PPP2R3A: variants seen among roughly 807,000 people sequenced by gnomAD.
PPP2R3A encodes the protein protein phosphatase 2 regulatory subunit B''alpha.
Under a neutral mutation model 106.9 loss-of-function variants are expected in PPP2R3A, and 80 were observed. The observed-to-expected ratio is 0.75, with a 90% CI of 0.62 to 0.90. The LOEUF is 0.90. Ranked by LOEUF, PPP2R3A falls within the 40% of genes least tolerant of loss-of-function variation. The pLI is 0.00. For synonymous variants in PPP2R3A, 483 were observed against 468.3 expected, an observed-to-expected ratio of 1.03 and a Z score of -0.41; for missense variants, 1,386 against 1,350.4, an observed-to-expected ratio of 1.03 and a Z score of -0.41.
intron 13 of PPP2R3A, among the ~76,000 whole-genome samples, chr3:136,125,507 G>A (rs1411019123): frequency 6.6e-6 from 1 of 152,074 alleles, no homozygotes; most frequent in Non-Finnish European, 1.5e-5. Context: ...GCCAGACAAA[G>A]ACATCTTGTC....
rs772999952 is a variant in PPP2R3A, at chr3:136,002,021, G to T, written c.523G>T (p.Gly175Cys). 3 of 1,613,918 alleles carry T rather than the reference G, an allele frequency of 1.9e-6. No individual in the cohort carries two copies. The highest frequency in any genetic ancestry group is 2.5e-6 in the Non-Finnish European group (3 of 1,179,958). ...YNNDGNAPSF[G>C]LLRSSSVEEK... ...CAACGATGGGAACGCCCCATCCTTT[G>T]GTTTACTGCGGAGTTCCTCAGTTGA... The change falls in exon 2 of 14, where the codon GGT becomes TGT. Residue 175 changes from glycine (G) to cysteine (C), a missense_variant. Physicochemically the swap from Gly to Cys is radical, Grantham distance 159 (BLOSUM62 -3). Transcript: ENST00000264977.
chr3:136,059,977 T>G (rs1936021262), intron 5 of PPP2R3A, among the ~76,000 whole-genome samples: 1 of 152,104 alleles, frequency 6.6e-6, no homozygotes, highest in South Asian at 2.1e-4. Context: ...TGGGTCCTGT[T>G]GAAGGTTGGA....
At chr3:135,999,598 A>T (rs1370498439) in intron 1 of PPP2R3A, among the ~76,000 whole-genome samples, 1 of 151,888 alleles carries the variant, frequency 6.6e-6, no homozygotes, top group Non-Finnish European at 1.5e-5. Context: ...TAAATTTCTC[A>T]TTGATAGTTG....
At chr3:136,041,252 T>G (rs865844470) in intron 4 of PPP2R3A, among the ~76,000 whole-genome samples, 3 of 113,908 alleles carry the variant, frequency 2.6e-5, no homozygotes, top group Non-Finnish European at 1.9e-5. Flanking sequence ...TTTTTTTTGT[T>G]TTTTTTTTTG....
At chr3:136,027,130 C>G in intron 3 of PPP2R3A, 32 bp downstream of exon 3, 1 of 1,571,594 alleles carries the variant, frequency 6.4e-7, no homozygotes, top group Non-Finnish European at 8.7e-7. Flanking sequence ...TTACAATCTC[C>G]CCTTCTTTAG....
chr3:136,029,305 T>A (rs1934781146), intron 3 of PPP2R3A, among the ~76,000 whole-genome samples: 1 of 152,190 alleles, frequency 6.6e-6, no homozygotes, highest in Admixed American at 6.5e-5. Flanking sequence ...TATTCCCAAC[T>A]GCTGACTGAG....
intron 4 of PPP2R3A, among the ~76,000 whole-genome samples, chr3:136,041,250 G>T (rs13093107): frequency 0.051 from 2,805 of 55,128 alleles, 78 homozygotes; most frequent in Middle Eastern, 0.075. Flanking sequence ...TTTTTTTTTT[G>T]TTTTTTTTTT....
At chr3:136,042,385 A>C (rs1384929896) in intron 4 of PPP2R3A, among the ~76,000 whole-genome samples, 9 of 152,192 alleles carry the variant, frequency 5.9e-5, no homozygotes, top group Non-Finnish European at 1.5e-5. Context: ...TAGCTAATGC[A>C]TATTGGGCTT....
intron 12 of PPP2R3A, among the ~76,000 whole-genome samples, chr3:136,104,149 C>CTAAATAAGA (rs1427950768): frequency 3.9e-5 from 6 of 152,156 alleles, no homozygotes; most frequent in Non-Finnish European, 1.5e-5. Context: ...TGATCACCTT[C>CTAAATAAGA]TAAATAAGAT....
intron 13 of PPP2R3A, among the ~76,000 whole-genome samples, chr3:136,138,764 T>G (rs147139667): frequency 1.5e-4 from 19 of 124,758 alleles, no homozygotes; most frequent in African/African-American, 4.8e-4. Context: ...CAGGCTGGAG[T>G]GCAGTGGCAC....
In PPP2R3A at chr3:136,146,326, T is replaced by TA. The variant is rs1370526609; in HGVS notation, c.*1164dup. ...AAAGGATAGACATTTCTGATGTAAG[T>TA]AAAACCCCCAAGCAACTTAATATCC... On this transcript the variant is annotated 3_prime_UTR_variant, in exon 14 of 14. Transcript: ENST00000264977. 1.3e-5 allele frequency: 2 copies of TA among 152,222 alleles called. No homozygotes were observed. Among genetic ancestry groups the TA allele is most frequent in the African/African-American group, 4.8e-5 (2 of 41,464 alleles). 9.4% of individuals were successfully genotyped at this position (152,222 alleles called of 1,614,324 possible).
At position 136,103,352 on chromosome 3, in the gene PPP2R3A, G is replaced by C; in HGVS notation, c.3198G>C (p.Gln1066His). ...TGGAGAAATACTTAGACCATGAACA[G>C]AGAGATCCCTTTGCGGTCCAGAAGG... ...FNLEKYLDHE[Q>H]RDPFAVQKDV... Residue 1066 changes from glutamine (Q) to histidine (H), a missense_variant, in exon 12 of 14, where the codon CAG (glutamine) becomes CAC (histidine). Physicochemically the swap from Gln to His is conservative, Grantham distance 24 (BLOSUM62 0). Transcript: ENST00000264977. The C allele has an allele frequency of 6.2e-7, 1 of 1,603,748 alleles. No individual in the cohort carries two copies. Among genetic ancestry groups the C allele is most frequent in the South Asian group, 1.1e-5 (1 of 90,314 alleles).
chr3:136,120,558 A>G (rs913939504), intron 13 of PPP2R3A, among the ~76,000 whole-genome samples: 4 of 152,160 alleles, frequency 2.6e-5, no homozygotes, highest in African/African-American at 7.2e-5. Context: ...ACTGCACTCC[A>G]GCCTGAGAGA....
intron 5 of PPP2R3A, among the ~76,000 whole-genome samples, chr3:136,059,068 C>G (rs564561919): frequency 6.6e-6 from 1 of 152,094 alleles, no homozygotes; most frequent in Non-Finnish European, 1.5e-5. Context: ...CCATTCAGGA[C>G]GTAGGCACAG....
At position 136,102,224 on chromosome 3, in the gene PPP2R3A, A is replaced by G. The variant is rs1937381109; in HGVS notation, c.3103+42A>G. ...GGACAGATGCACTGTTCACCTATGT[A>G]TCAGAGGAGGGCAAAGAATCCTAGA... On this transcript the variant is annotated intron_variant, in intron 11 of 13. Coordinates refer to ENST00000264977, the MANE Select transcript of PPP2R3A (RefSeq NM_002718.5). 1.9e-6 allele frequency: 3 copies of G among 1,598,276 alleles called. No homozygotes were observed. The African/African-American group carries it at 4.0e-5, about 21-fold the overall frequency.
At chr3:136,110,858 T>C (rs1250421744) in intron 13 of PPP2R3A, among the ~76,000 whole-genome samples, 1 of 152,166 alleles carries the variant, frequency 6.6e-6, no homozygotes, top group Non-Finnish European at 1.5e-5. Flanking sequence ...GTGAGTGAAA[T>C]TTCAGAATAC....
At chr3:136,049,429 C>A in intron 5 of PPP2R3A, 68 bp downstream of exon 5, 2 of 1,122,148 alleles carry the variant, frequency 1.8e-6, no homozygotes, top group South Asian at 1.3e-5. Flanking sequence ...TTAAAATTTA[C>A]AACTATAACA....
Position 136,001,907 on chromosome 3 carries a change from C to A in PPP2R3A, c.409C>A (p.His137Asn). ...CTTTGAAAAACTCAAAAACTCTAAC[C>A]ATGCAGCTTACAGAAAGGGAAGGAA... ...FSFEKLKNSNHAAYRKGRKVK... is the reference protein window; with the variant it reads ...FSFEKLKNSNNAAYRKGRKVK... Residue 137 changes from histidine to asparagine, a missense_variant, in exon 2 of 14, where the codon CAT becomes AAT. Physicochemically the swap from His to Asn is moderately conservative, Grantham distance 68 (BLOSUM62 1). Transcript: ENST00000264977. 3 of 1,614,130 alleles carry A rather than the reference C, an allele frequency of 1.9e-6. No homozygotes were observed. The East Asian group carries it at 6.7e-5, about 36-fold the overall frequency.
At chr3:135,990,761 G>C (rs890021701) in intron 1 of PPP2R3A, among the ~76,000 whole-genome samples, 16 of 152,014 alleles carry the variant, frequency 1.1e-4, no homozygotes, top group Non-Finnish European at 2.4e-4. Flanking sequence ...TTCTCTTCTA[G>C]ACTCTTCTGA....
Sources: allele counts gnomAD v4.1 joint callset (sites outside exome capture counted in the v4.1 genomes callset), GRCh38; gene constraint gnomAD v4.1.1; transcripts MANE v1.5; gene names NCBI Gene and HGNC (gene_info 2026-07-23, HGNC 2026-07-21).